Variants in ERC1 observed in about 807,000 individuals in gnomAD.
ERC1 encodes the protein RAB6 interacting protein 2.
ERC1 carries 56 observed loss-of-function variants against 132.0 expected under a neutral mutation model. The ratio of observed to expected loss-of-function variants is 0.42; its 90% CI spans 0.34 to 0.53. The LOEUF (loss-of-function observed/expected upper bound fraction) is 0.53, where lower values mean the gene tolerates loss of function less well. ERC1 is among the 20% of genes least tolerant of loss of function. The pLI is 0.03. For missense variants in ERC1, 1,202 were observed against 1,349.9 expected (o/e 0.89, Z 1.72); for synonymous variants, 478 against 476.1 (o/e 1.00, Z -0.05).
At chr12:1,153,592 T>A (rs1951033470) in intron 8 of ERC1, among the ~76,000 whole-genome samples, 2 of 152,250 alleles carry the variant, frequency 1.3e-5, no homozygotes, top group South Asian at 4.1e-4. Flanking sequence ...TAATTTTGGT[T>A]CCTTTTCTAC....
At chr12:1,271,297 T>C (rs191311849) in intron 14 of ERC1, among the ~76,000 whole-genome samples, 13 of 152,276 alleles carry the variant, frequency 8.5e-5, no homozygotes, top group African/African-American at 2.6e-4. Flanking sequence ...ACAGTGGAGA[T>C]AAAGAGAAAT....
chr12:1,118,627 T>C (rs563622921), intron 7 of ERC1, among the ~76,000 whole-genome samples: 9 of 152,372 alleles, frequency 5.9e-5, no homozygotes, highest in Non-Finnish European at 1.3e-4. Flanking sequence ...TATGTCTATT[T>C]ATTAGCATTG....
chr12:1,036,146 C>T (rs1002731760), intron 2 of ERC1, among the ~76,000 whole-genome samples: 7 of 151,762 alleles, frequency 4.6e-5, no homozygotes, highest in Non-Finnish European at 1.0e-4. Flanking sequence ...TGTTTTTTGC[C>T]TTGTGTGTTG....
At chr12:1,054,730 G>A (rs7954090) in intron 2 of ERC1, among the ~76,000 whole-genome samples, 55,310 of 151,968 alleles carry the variant, frequency 0.36, 11,085 homozygotes, top group African/African-American at 0.52. Flanking sequence ...TAATCAGTCT[G>A]TCAATACATA....
chr12:1,033,032 C>G (rs1968352103), intron 2 of ERC1, among the ~76,000 whole-genome samples: 1 of 151,174 alleles, frequency 6.6e-6, no homozygotes, highest in African/African-American at 2.4e-5. Flanking sequence ...GCCACCATGC[C>G]TGGCTAATTT....
intron 13 of ERC1, among the ~76,000 whole-genome samples, chr12:1,250,895 G>GAT (rs1233713961): frequency 6.6e-6 from 1 of 152,126 alleles, no homozygotes; most frequent in Non-Finnish European, 1.5e-5. Context: ...AGAGATTAAT[G>GAT]GAATGCTGTG....
At chr12:1,157,878 T>C (rs1242863092) in intron 8 of ERC1, among the ~76,000 whole-genome samples, 1 of 152,346 alleles carries the variant, frequency 6.6e-6, no homozygotes, top group African/African-American at 2.4e-5. Flanking sequence ...TTAGACTTGT[T>C]CAATATGGCC....
In ERC1 at chr12:1,351,659, T is replaced by A. The variant is rs552250236; in HGVS notation, c.2781-20174T>A. ...ATTTTCTTCCTTTTATCTTGTTTTA[T>A]TTTTGTTTTTTATAATATTTTCAAT... On this transcript the variant is annotated intron_variant, in intron 15 of 18. Transcript: ENST00000360905. 5.9e-5 allele frequency among the ~76,000 whole-genome samples: 9 copies of A among 152,328 alleles called. No individual in the cohort carries two copies. In the East Asian group the frequency reaches 1.7e-3, roughly 29 times the overall value.
chr12:1,143,212 TAAAAAA>T (rs1181948605), intron 8 of ERC1, among the ~76,000 whole-genome samples: 6 of 152,144 alleles, frequency 3.9e-5, no homozygotes, highest in African/African-American at 1.4e-4. Flanking sequence ...CCACCTTTTT[TAAAAAA>T]TAAAAATAAA....
chr12:1,402,187 C>T (rs2091124304), intron 16 of ERC1, among the ~76,000 whole-genome samples: 2 of 152,108 alleles, frequency 1.3e-5, no homozygotes, highest in African/African-American at 4.8e-5. Flanking sequence ...TGAGATGCTG[C>T]TAAAGCAGTT....
rs186274967 is a variant in ERC1 at position 1,288,352 on chromosome 12, T to G, written c.2620-1500T>G. Among the ~76,000 whole-genome samples the G allele has an allele frequency of 4.8e-3, 725 of 152,320 alleles. 4 individuals are homozygous for G. The highest frequency in any genetic ancestry group is 0.014 in the African/African-American group (602 of 41,560). On this transcript the variant is annotated intron_variant, in intron 14 of 18. Transcript: ENST00000360905. ...CTAGTCTCGAACTCCTGACCTCAGG[T>G]GATCCACCGGCCTTGGCCTCCCAAA...
intron 14 of ERC1, among the ~76,000 whole-genome samples, chr12:1,270,824 G>A (rs144339563): frequency 6.6e-6 from 1 of 151,850 alleles, no homozygotes; most frequent in Non-Finnish European, 1.5e-5. Flanking sequence ...GACAGGATCT[G>A]TGCAAGCCAT....
At chr12:1,429,985 C>A (rs939879573) in intron 17 of ERC1, among the ~76,000 whole-genome samples, 1 of 152,192 alleles carries the variant, frequency 6.6e-6, no homozygotes, top group Admixed American at 6.5e-5. Flanking sequence ...AATTCAGCAG[C>A]GTCTTAGCTG....
chr12:1,432,903 A>T (rs1357780970), intron 17 of ERC1, among the ~76,000 whole-genome samples: 1 of 152,234 alleles, frequency 6.6e-6, no homozygotes, highest in Non-Finnish European at 1.5e-5. Flanking sequence ...AACCAAAAAA[A>T]ACTTTTTTCA....
chr12:1,006,356 T>G (rs942954320), intron 1 of ERC1, among the ~76,000 whole-genome samples: 2 of 152,084 alleles, frequency 1.3e-5, no homozygotes, highest in African/African-American at 2.4e-5. Flanking sequence ...GCTTCAACCT[T>G]CCAAGTAGCT....
chr12:1,310,038 C>T (rs571545142), intron 15 of ERC1, among the ~76,000 whole-genome samples: 2 of 152,002 alleles, frequency 1.3e-5, no homozygotes, highest in Non-Finnish European at 1.5e-5. Flanking sequence ...AGCTCTGCCT[C>T]CCGGGTTCAC....
intron 15 of ERC1, among the ~76,000 whole-genome samples, chr12:1,334,547 T>A (rs1405111153): frequency 6.6e-6 from 1 of 152,216 alleles, no homozygotes. Context: ...TAGTTCTAGA[T>A]GTGCAACCTT....
intron 13 of ERC1, 71 bp from the exon 14 acceptor site, chr12:1,262,963 T>A: frequency 1.3e-6 from 2 of 1,522,280 alleles, no homozygotes; most frequent in Non-Finnish European, 1.8e-6. Flanking sequence ...CAAACAGCCC[T>A]TTCTTAATAA....
chr12:1,148,242 A>T (rs1170298257), intron 8 of ERC1, among the ~76,000 whole-genome samples: 1 of 152,222 alleles, frequency 6.6e-6, no homozygotes, highest in East Asian at 1.9e-4. Flanking sequence ...GAGACTAAGT[A>T]ATTTATGAAG....
Sources: allele counts gnomAD v4.1 joint callset (sites outside exome capture counted in the v4.1 genomes callset), GRCh38; gene constraint gnomAD v4.1.1; transcripts MANE v1.5; gene names NCBI Gene and HGNC (gene_info 2026-07-23, HGNC 2026-07-21).